The following NTAQ1 variants were observed in gnomAD, a reference collection of about 807,000 sequenced individuals.
NTAQ1 encodes protein N-terminal glutamine amidohydrolase.
A neutral mutation model predicts 28.2 loss-of-function variants in NTAQ1; 21 were observed. That is an observed-to-expected ratio of 0.74 (90% CI 0.53 to 1.07). The LOEUF (loss-of-function observed/expected upper bound fraction) is 1.07. NTAQ1 is among the 50% of genes least tolerant of loss of function. NTAQ1 has a pLI of 0.00. For synonymous variants in NTAQ1, 105 were observed against 90.0 expected, an observed-to-expected ratio of 1.17 and a Z score of -0.94; for missense variants, 264 against 256.6, an observed-to-expected ratio of 1.03 and a Z score of -0.20.
downstream of NTAQ1, among the ~76,000 whole-genome samples, chr8:123,448,831 C>T (rs751311796): frequency 1.3e-5 from 2 of 152,090 alleles, no homozygotes; most frequent in Non-Finnish European, 2.9e-5. Context: ...AGGGTTCAGA[C>T]GTTTATAGGC....
At chr8:123,425,488 C>A (rs1813998964) in intron 1 of NTAQ1, among the ~76,000 whole-genome samples, 1 of 147,220 alleles carries the variant, frequency 6.8e-6, no homozygotes, top group Non-Finnish European at 1.5e-5. Context: ...TTTTTTTTAA[C>A]CACAACCATC....
chr8:123,465,038 A>G lies in NTAQ1; in HGVS notation c.373-2041A>G, dbSNP rs145237402. ...GGGCAACAGAGACAGATTCTGTCTC[A>G]GGAAAAAAAAGTGTGGGCCCCAGGG... On this transcript the variant is annotated intron_variant, in intron 6 of 6. Coordinates refer to the NTAQ1 transcript ENST00000650311. 5.1e-3 allele frequency among the ~76,000 whole-genome samples: 776 copies of G among 152,204 alleles called. 9 individuals are homozygous for G. The highest frequency in any genetic ancestry group is 0.018 in the African/African-American group (728 of 41,512).
chr8:123,428,079 G>A, intron 2 of NTAQ1, 56 bp downstream of exon 2: 1 of 1,220,620 alleles, frequency 8.2e-7, no homozygotes. Context: ...GACATTAGAA[G>A]CTAAATTAAA....
In NTAQ1 at chr8:123,464,402, G is replaced by A. The variant is rs147197876; in HGVS notation, c.373-2677G>A. On this transcript the variant is annotated intron_variant, in intron 6 of 6. Transcript: ENST00000650311. ...CATCCATAACAGCAGGGAAATGCTC[G>A]TGAACATGTTGCCTAACCCTGGATG... 1.1e-4 allele frequency among the ~76,000 whole-genome samples: 16 copies of A among 152,266 alleles called. No individual in the cohort carries two copies. In the East Asian group the frequency reaches 1.7e-3, roughly 17 times the overall value.
chr8:123,442,782 C>T (rs1177219130), downstream of NTAQ1, among the ~76,000 whole-genome samples: 1 of 150,730 alleles, frequency 6.6e-6, no homozygotes, highest in African/African-American at 2.4e-5. Flanking sequence ...GATTCTCGTG[C>T]CTCAGCCTCC....
At chr8:123,439,492 G>A (rs981409045) in intron 5 of NTAQ1, among the ~76,000 whole-genome samples, 5 of 151,748 alleles carry the variant, frequency 3.3e-5, no homozygotes, top group African/African-American at 1.2e-4. Flanking sequence ...ACAGGCGCCC[G>A]CCACCACACC....
intron 1 of NTAQ1, 58 bp downstream of exon 1, chr8:123,416,990 A>G (rs1813337446): frequency 8.0e-6 from 11 of 1,375,706 alleles, no homozygotes; most frequent in Non-Finnish European, 9.5e-6. Flanking sequence ...GCGAGTCGCA[A>G]CCGGGCCCCG....
Position 123,416,832 on chromosome 8 carries a change from T to C in NTAQ1, c.-18T>C. On this transcript the variant is annotated 5_prime_UTR_variant, in exon 1 of 6. Transcript: ENST00000287387. Reference sequence around the variant, plus strand: ...GTCGGTCTTCCTCCGGCCCGGGCCCTGGCCCAGCTAGCCGGCCATGGAAGG... The same window carrying C: ...GTCGGTCTTCCTCCGGCCCGGGCCCCGGCCCAGCTAGCCGGCCATGGAAGG... 1 of 1,525,844 alleles carries C rather than the reference T, an allele frequency of 6.6e-7. No individual in the cohort carries two copies. The highest frequency in any genetic ancestry group is 8.8e-7 in the Non-Finnish European group (1 of 1,137,512). The allele number at this position is 1,525,844 out of a possible 1,614,324, so 94.5% of individuals were successfully genotyped here. A position where few individuals can be genotyped will look rare whatever the true frequency, so the allele number is the denominator to read the frequency against.
chr8:123,416,729 T>G, upstream of NTAQ1: 1 of 875,880 alleles, frequency 1.1e-6, no homozygotes, highest in African/African-American at 1.9e-5. Context: ...CCCGGCCCTC[T>G]CCCCCCGGGC....
chr8:123,465,589 T>TTC (rs1248805435), intron 6 of NTAQ1, among the ~76,000 whole-genome samples: 3 of 138,718 alleles, frequency 2.2e-5, no homozygotes, highest in East Asian at 4.2e-4. Flanking sequence ...TTTTTTTTTT[T>TTC]TTTTTTTTTT....
rs761933790 is a variant in NTAQ1, at chr8:123,441,325, C to G, written c.528C>G (p.Asn176Lys). Residue 176 changes from asparagine (N) to lysine (K), a missense_variant, in exon 6 of 6, where the codon AAC becomes AAG. By Grantham distance (94) the Asn-to-Lys change is moderately conservative (BLOSUM62 0). Coordinates refer to ENST00000287387, the MANE Select transcript of NTAQ1 (RefSeq NM_018024.3). ...TTTTAGATTCCAAAATGAACCTGAA[C>G]GATTTCATCAGTATGGATCCCAAGG... ...IETGDSKMNLNDFISMDPKVG... is the reference protein window; with the variant it reads ...IETGDSKMNLKDFISMDPKVG... 5 of 1,608,706 alleles carry G rather than the reference C, an allele frequency of 3.1e-6. No homozygotes were observed. The highest frequency in any genetic ancestry group is 4.2e-6 in the Non-Finnish European group (5 of 1,177,364).
At chr8:123,449,839 T>C (rs1315864983), downstream of NTAQ1, among the ~76,000 whole-genome samples, 8 of 144,522 alleles carry the variant, frequency 5.5e-5, no homozygotes, top group African/African-American at 2.1e-4. Flanking sequence ...GGCGACAGAG[T>C]GAGACTCTGG....
At chr8:123,446,161 T>TTG (rs577787255), downstream of NTAQ1, among the ~76,000 whole-genome samples, 44 of 151,130 alleles carry the variant, frequency 2.9e-4, 1 homozygote, top group South Asian at 7.5e-3. Context: ...CTGGCTAATT[T>TTG]TGTGTGTGTG....
the NTAQ1 span, among the ~76,000 whole-genome samples, chr8:123,475,648 A>C: frequency 3.9e-4 from 60 of 152,354 alleles, no homozygotes; most frequent in East Asian, 0.011. Context: ...TCTCTAAGGC[A>C]TACTTCTACT....
intron 5 of NTAQ1, among the ~76,000 whole-genome samples, chr8:123,440,718 TCTTAA>T (rs888278735): frequency 2.6e-5 from 4 of 151,874 alleles, no homozygotes; most frequent in African/African-American, 9.7e-5. Flanking sequence ...CAGGCTGTTC[TCTTAA>T]CTTCTGACCT....
At position 123,439,168 on chromosome 8, in the gene NTAQ1, C is replaced by A. The variant is rs144241850; in HGVS notation, c.508+1834C>A. ...ACTATATGGGCTGCCGAGGTGAGCA[C>A]TGCCAGCCCAATTTTCTTTCTTTCT... On this transcript the variant is annotated intron_variant, in intron 5 of 5. Transcript: ENST00000287387. Among the ~76,000 whole-genome samples the A allele has an allele frequency of 2.3e-3, 347 of 151,782 alleles. 3 individuals carry two copies. The highest frequency in any genetic ancestry group is 2.1e-3 in the Non-Finnish European group (141 of 67,926).
rs1374473737 is a variant in NTAQ1, at chr8:123,441,799, A to G, written c.*384A>G. ...TTCCTTGAGGGCAGGGCCATGGCCCATTGCTCTGTGAATCTCAAATGCCCA... is the reference window on the plus strand; with the variant it reads ...TTCCTTGAGGGCAGGGCCATGGCCCGTTGCTCTGTGAATCTCAAATGCCCA... On this transcript the variant is annotated 3_prime_UTR_variant, in exon 6 of 6. Transcript: ENST00000287387. 9.8e-5 allele frequency: 18 copies of G among 183,198 alleles called. No individual in the cohort carries two copies. The highest frequency in any genetic ancestry group is 2.3e-5 in the Non-Finnish European group (2 of 86,526). The allele number at this position is 183,198 out of a possible 1,614,324, so 11.3% of individuals were successfully genotyped here. A position where few individuals can be genotyped will look rare whatever the true frequency, so the allele number is the denominator to read the frequency against.
intron 6 of NTAQ1, among the ~76,000 whole-genome samples, chr8:123,463,962 A>G (rs988705510): frequency 6.6e-6 from 1 of 152,148 alleles, no homozygotes; most frequent in East Asian, 1.9e-4. Context: ...TAGTGAATAC[A>G]TCTCACGAGA....
the NTAQ1 span, among the ~76,000 whole-genome samples, chr8:123,475,548 CAT>C: frequency 6.6e-6 from 1 of 152,022 alleles, no homozygotes; most frequent in Admixed American, 6.5e-5. Context: ...TAAAATTATA[CAT>C]ATGTTATAAA....
Sources: gnomAD v4.1 joint callset for allele counts (sites outside exome capture counted in the v4.1 genomes callset) on GRCh38, gnomAD v4.1.1 for gene constraint, MANE v1.5 for transcripts, NCBI Gene and HGNC (gene_info 2026-07-23, HGNC 2026-07-21) for gene names.